MEGF10: variants seen among roughly 807,000 people sequenced by gnomAD.
MEGF10 encodes multiple EGF like domains 10.
Under a neutral mutation model 147.5 loss-of-function variants are expected in MEGF10, and 86 were observed. The observed-to-expected ratio is 0.58, with a 90% CI of 0.49 to 0.70. The LOEUF is 0.70. Ranked by LOEUF, MEGF10 falls within the 30% of genes least tolerant of loss-of-function variation. MEGF10 has a pLI of 0.00. For missense variants in MEGF10, 1,329 were observed against 1,487.3 expected, an observed-to-expected ratio of 0.89 and a Z score of 1.75; for synonymous variants, 478 against 525.5, an observed-to-expected ratio of 0.91 and a Z score of 1.24.
chr5:127,311,095 T>C (rs1161964761), intron 1 of MEGF10, among the ~76,000 whole-genome samples: 1 of 152,222 alleles, frequency 6.6e-6, no homozygotes, highest in Admixed American at 6.5e-5. Context: ...CACAATATAT[T>C]CCTCTTATTT....
chr5:127,240,207 G>C, the MEGF10 span, among the ~76,000 whole-genome samples: 5 of 152,260 alleles, frequency 3.3e-5, no homozygotes, highest in African/African-American at 1.2e-4. Context: ...TATCAAGTCA[G>C]GGCTTATTCA....
the MEGF10 span, among the ~76,000 whole-genome samples, chr5:127,261,094 TA>T: frequency 4.6e-5 from 7 of 152,338 alleles, no homozygotes; most frequent in South Asian, 1.2e-3. Flanking sequence ...TTTATTGAGA[TA>T]TAGTTTATAT....
At chr5:127,316,624 T>G (rs183613110) in intron 1 of MEGF10, among the ~76,000 whole-genome samples, 1 of 152,312 alleles carries the variant, frequency 6.6e-6, no homozygotes, top group East Asian at 1.9e-4. Flanking sequence ...TTTTAAATAT[T>G]AAGAATAATG....
At chr5:127,331,896 T>C (rs1182457083) in intron 2 of MEGF10, among the ~76,000 whole-genome samples, 1 of 152,020 alleles carries the variant, frequency 6.6e-6, no homozygotes, top group Non-Finnish European at 1.5e-5. Flanking sequence ...CAAGGCTGCA[T>C]AGAGGTAGTG....
intron 21 of MEGF10, 47 bp from the exon 22 acceptor site, chr5:127,449,052 C>T (rs761610400): frequency 1.8e-5 from 29 of 1,608,564 alleles, no homozygotes; most frequent in Middle Eastern, 1.7e-4. Context: ...TGTGCTGTGC[C>T]GCATTGTATT....
intron 4 of MEGF10, among the ~76,000 whole-genome samples, chr5:127,357,670 C>G (rs1762328235): frequency 6.6e-6 from 1 of 151,422 alleles, no homozygotes; most frequent in Admixed American, 6.6e-5. Context: ...AGTGACCCAT[C>G]TAAGAACTTA....
intron 16 of MEGF10, among the ~76,000 whole-genome samples, chr5:127,437,433 G>A (rs997703683): frequency 6.6e-6 from 1 of 152,040 alleles, no homozygotes; most frequent in African/African-American, 2.4e-5. Flanking sequence ...CACAATTATG[G>A]AAGAATTTTT....
intron 17 of MEGF10, among the ~76,000 whole-genome samples, chr5:127,438,784 G>A (rs745976151): frequency 8.5e-5 from 13 of 152,208 alleles, no homozygotes; most frequent in Non-Finnish European, 1.9e-4. Context: ...CTGAGGTAGA[G>A]CAATGCTGTG....
intron 1 of MEGF10, among the ~76,000 whole-genome samples, chr5:127,293,106 T>C (rs538291651): frequency 6.6e-6 from 1 of 152,350 alleles, no homozygotes; most frequent in East Asian, 1.9e-4. Flanking sequence ...TATAAACTTG[T>C]GTTGAGAGGT....
chr5:127,315,804 T>C (rs1440679433), intron 1 of MEGF10, among the ~76,000 whole-genome samples: 1 of 152,098 alleles, frequency 6.6e-6, no homozygotes, highest in Non-Finnish European at 1.5e-5. Flanking sequence ...AATAACCCTT[T>C]TTCTTTCTGT....
the MEGF10 span, among the ~76,000 whole-genome samples, chr5:127,247,423 A>AAGGAGAAGGAGAAGG: frequency 1.6e-5 from 1 of 61,420 alleles, no homozygotes; most frequent in Non-Finnish European, 3.2e-5. Context: ...GAAGAAGAAG[A>AAGGAGAAGGAGAAGG]AGAAGAAGAA....
At chr5:127,355,044 C>A (rs1016607468) in intron 4 of MEGF10, among the ~76,000 whole-genome samples, 1 of 152,068 alleles carries the variant, frequency 6.6e-6, no homozygotes, top group Non-Finnish European at 1.5e-5. Flanking sequence ...TCTTTTCCTG[C>A]TGAAAAGTTT....
chr5:127,418,018 A>G (rs992434020), intron 10 of MEGF10, among the ~76,000 whole-genome samples: 1 of 152,226 alleles, frequency 6.6e-6, no homozygotes, highest in Non-Finnish European at 1.5e-5. Context: ...TGGTAAAACT[A>G]TAAATGTGGC....
intron 12 of MEGF10, among the ~76,000 whole-genome samples, 153 bp from the exon 13 acceptor site, chr5:127,422,517 A>T (rs1483146971): frequency 6.6e-6 from 1 of 152,190 alleles, no homozygotes; most frequent in African/African-American, 2.4e-5. Flanking sequence ...CCATCTCAAA[A>T]AAAAAGAAAA....
intron 1 of MEGF10, among the ~76,000 whole-genome samples, chr5:127,313,471 C>A (rs1406637110): frequency 1.3e-5 from 2 of 152,158 alleles, no homozygotes; most frequent in Admixed American, 6.5e-5. Context: ...ATAAACTTAA[C>A]CTACTCATCC....
chr5:127,247,288 G>A, the MEGF10 span, among the ~76,000 whole-genome samples: 1 of 115,918 alleles, frequency 8.6e-6, no homozygotes, highest in African/African-American at 3.1e-5. Flanking sequence ...TGTGGTTGGG[G>A]GGTGGGGGAG....
the MEGF10 span, among the ~76,000 whole-genome samples, chr5:127,258,419 A>G: frequency 6.6e-6 from 1 of 152,224 alleles, no homozygotes; most frequent in South Asian, 2.1e-4. Context: ...TCATGTTCCA[A>G]GTTAGAGCAA....
At chr5:127,435,910 A>T (rs555152511) in intron 16 of MEGF10, among the ~76,000 whole-genome samples, 78 of 152,242 alleles carry the variant, frequency 5.1e-4, no homozygotes, top group African/African-American at 1.9e-3. Flanking sequence ...TGCCCACCTA[A>T]TATGCTTAGC....
At chr5:127,321,326 T>C (rs987370185) in intron 1 of MEGF10, among the ~76,000 whole-genome samples, 1 of 152,114 alleles carries the variant, frequency 6.6e-6, no homozygotes, top group Non-Finnish European at 1.5e-5. Context: ...GACATATGTA[T>C]TGCTCTAGAA....
Sources: allele counts gnomAD v4.1 joint callset (sites outside exome capture counted in the v4.1 genomes callset), GRCh38; gene constraint gnomAD v4.1.1; transcripts MANE v1.5; gene names NCBI Gene and HGNC (gene_info 2026-07-23, HGNC 2026-07-21).